Variants in STUB1 observed in about 807,000 individuals in gnomAD.
STUB1 encodes STIP1 homology and U-box containing protein 1.
Under a neutral mutation model 40.3 loss-of-function variants are expected in STUB1, and 37 were observed. That is an observed-to-expected ratio of 0.92 (90% CI 0.71 to 1.21). STUB1 has a LOEUF of 1.21. STUB1 is among the 50% of genes most tolerant of loss of function. The pLI, the probability that STUB1 is intolerant of heterozygous loss-of-function variation, is 0.00. For missense variants in STUB1, 460 were observed against 421.9 expected, an observed-to-expected ratio of 1.09 and a Z score of -0.79; for synonymous variants, 246 against 171.9, an observed-to-expected ratio of 1.43 and a Z score of -3.37.
intron 4 of STUB1, 64 bp from the exon 5 acceptor site, chr16:681,956 T>C: frequency 1.2e-6 from 2 of 1,612,360 alleles, no homozygotes; most frequent in East Asian, 2.2e-5. Context: ...TTGTGTTGGG[T>C]CTGTGCCCCA....
Position 682,658 on chromosome 16 carries a change from C to T in STUB1, c.*169C>T, listed in dbSNP as rs1037970095. 1.7e-5 allele frequency: 24 copies of T among 1,404,826 alleles called. No homozygotes were observed. The South Asian group carries it at 2.5e-4, about 15-fold the overall frequency. The allele number at this position is 1,404,826 out of a possible 1,614,324, so 87.0% of individuals were successfully genotyped here. A position where few individuals can be genotyped will look rare whatever the true frequency, so the allele number is the denominator to read the frequency against. On this transcript the variant is annotated 3_prime_UTR_variant, in exon 7 of 7. Coordinates refer to ENST00000219548, the MANE Select transcript of STUB1 (RefSeq NM_005861.4). ...ATCGCTTTTGCTGGGCCGTGATCGT[C>T]CCCCTTTGTGGGCTGGAAAAGCAGG...
rs1196725896 is a variant in STUB1, at chr16:680,741, G to A, written c.159+57G>A. 1.7e-6 allele frequency: 2 copies of A among 1,175,736 alleles called. No homozygotes were observed. Among genetic ancestry groups the A allele is most frequent in the Admixed American group, 4.6e-5 (1 of 21,770 alleles). The allele number at this position is 1,175,736 out of a possible 1,614,324, so 72.8% of individuals were successfully genotyped here. On this transcript the variant is annotated intron_variant, in intron 1 of 6. Transcript: ENST00000219548. This position sits in a 1 kb window ranked among gnomAD's most constrained non-coding sequence, Gnocchi z 4.9. Reference sequence around the variant, plus strand: ...GGTGGCACCGGGGAGGGCCGGGCCCGGGCCCGGCCGGCCCCACCGAGGGTC... The same window carrying A: ...GGTGGCACCGGGGAGGGCCGGGCCCAGGCCCGGCCGGCCCCACCGAGGGTC...
In STUB1 at chr16:682,679, G is replaced by A. The variant is rs1385176413; in HGVS notation, c.*190G>A. 9.1e-6 allele frequency: 13 copies of A among 1,423,008 alleles called. No homozygotes were observed. Among genetic ancestry groups the A allele is most frequent in the South Asian group, 1.3e-5 (1 of 76,852 alleles). 88.1% of individuals were successfully genotyped at this position (1,423,008 alleles called of 1,614,324 possible). On this transcript the variant is annotated 3_prime_UTR_variant, in exon 7 of 7. Coordinates refer to ENST00000219548, the MANE Select transcript of STUB1 (RefSeq NM_005861.4). ...TCGTCCCCCTTTGTGGGCTGGAAAA[G>A]CAGGTGAGGGTGGGCTGGGCTGAGG...
intron 3 of STUB1, 34 bp from the exon 4 acceptor site, chr16:681,759 G>C: frequency 6.4e-7 from 1 of 1,571,498 alleles, no homozygotes. Context: ...ATCTGGCCAG[G>C]TCCATCTCTG....
Position 680,562 on chromosome 16 carries a change from C to A in STUB1, c.37C>A (p.Leu13Met). 1 of 1,371,066 alleles carries A rather than the reference C, an allele frequency of 7.3e-7. No homozygotes were observed. The highest frequency in any genetic ancestry group is 9.5e-7 in the Non-Finnish European group (1 of 1,052,224). The allele number at this position is 1,371,066 out of a possible 1,614,324, so 84.9% of individuals were successfully genotyped here. A position where few individuals can be genotyped will look rare whatever the true frequency, so the allele number is the denominator to read the frequency against. ...GKEEKEGGAR[L>M]GAGGGSPEKS... ...GGAGGAGAAGGAGGGCGGCGCACGGCTGGGCGCTGGCGGCGGAAGCCCCGA... is the reference window on the plus strand; with the variant it reads ...GGAGGAGAAGGAGGGCGGCGCACGGATGGGCGCTGGCGGCGGAAGCCCCGA... The change falls in exon 1 of 7, where the codon CTG becomes ATG. Residue 13 changes from leucine to methionine, a missense_variant. By Grantham distance (15) the Leu-to-Met change is conservative (BLOSUM62 2). Transcript: ENST00000219548. The surrounding 1 kb of genome is among the most constrained non-coding windows in gnomAD (Gnocchi z 4.9).
rs749991533 is a variant in STUB1 at position 682,505 on chromosome 16, C to T, written c.*16C>T. ...GGACTACTGAGGTTCCCTGCCCTAC[C>T]TGGCGTCCTGGTCCAGGGGAGCCCT... On this transcript the variant is annotated 3_prime_UTR_variant, in exon 7 of 7. Coordinates refer to ENST00000219548, the MANE Select transcript of STUB1 (RefSeq NM_005861.4). 3 of 1,612,944 alleles carry T rather than the reference C, an allele frequency of 1.9e-6. No homozygotes were observed. The highest frequency in any genetic ancestry group is 2.5e-6 in the Non-Finnish European group (3 of 1,179,906).
Position 680,802 on chromosome 16 carries a change from G to A in STUB1, c.159+118G>A. ...TCGGGGCGTGTCCTCGGCTCCCAAAGCCCAGCCGTGGTTCTCGAGCCCAGC... is the reference window on the plus strand; with the variant it reads ...TCGGGGCGTGTCCTCGGCTCCCAAAACCCAGCCGTGGTTCTCGAGCCCAGC... On this transcript the variant is annotated intron_variant, in intron 1 of 6. Transcript: ENST00000219548. The surrounding 1 kb of genome is among the most constrained non-coding windows in gnomAD (Gnocchi z 4.9). The A allele has an allele frequency of 9.9e-7, 1 of 1,005,242 alleles. No homozygotes were observed. Among genetic ancestry groups the A allele is most frequent in the Non-Finnish European group, 1.3e-6 (1 of 791,594 alleles). 62.3% of individuals were successfully genotyped at this position (1,005,242 alleles called of 1,614,324 possible).
In STUB1 at chr16:680,789, C is replaced by T. The variant is rs902822281; in HGVS notation, c.159+105C>T. 8 of 1,049,582 alleles carry T rather than the reference C, an allele frequency of 7.6e-6. No homozygotes were observed. In the Admixed American group the frequency reaches 1.4e-4, roughly 18 times the overall value. 65.0% of individuals were successfully genotyped at this position (1,049,582 alleles called of 1,614,324 possible). A position where few individuals can be genotyped will look rare whatever the true frequency, so the allele number is the denominator to read the frequency against. ...GTCTGGCTCCTCTTCGGGGCGTGTC[C>T]TCGGCTCCCAAAGCCCAGCCGTGGT... On this transcript the variant is annotated intron_variant, in intron 1 of 6. Transcript: ENST00000219548. The surrounding 1 kb of genome is among the most constrained non-coding windows in gnomAD (Gnocchi z 4.9).
Position 682,582 on chromosome 16 carries a change from C to G in STUB1, c.*93C>G. 6.4e-7 allele frequency: 1 copy of G among 1,553,642 alleles called. No individual in the cohort carries two copies. ...TAGTTTATGTTCCTGGCCACCCCGA[C>G]CGCTTCCCCCAAGTTCTGCTGTTGG... On this transcript the variant is annotated 3_prime_UTR_variant, in exon 7 of 7. Coordinates refer to ENST00000219548, the MANE Select transcript of STUB1 (RefSeq NM_005861.4).
chr16:681,249 C>G lies in STUB1; in HGVS notation c.257C>G (p.Ala86Gly). The stretch of plus-strand genomic sequence containing the variant: ...CAGGCCCTGGCCGACTGCCGGCGCG[C>G]CCTGGAGCTGGACGGGCAGTCTGTG... ...HEQALADCRR[A>G]LELDGQSVKA... Residue 86 changes from alanine (A) to glycine (G), a missense_variant, in exon 2 of 7, where the codon GCC becomes GGC. Ala to Gly is a moderately conservative substitution (Grantham distance 60). Coordinates refer to ENST00000219548, the MANE Select transcript of STUB1 (RefSeq NM_005861.4). 4 of 1,612,682 alleles carry G rather than the reference C, an allele frequency of 2.5e-6. No individual in the cohort carries two copies. The highest frequency in any genetic ancestry group is 3.4e-6 in the Non-Finnish European group (4 of 1,179,926).
Position 681,430 on chromosome 16 carries a change from T to C in STUB1, c.359-8T>C. Reference sequence around the variant, plus strand: ...GCCAGAGAGTGACGTGAAGCCCCCGTTCCCCAGCTTACAGCCTGGCCAAGG... The same window carrying C: ...GCCAGAGAGTGACGTGAAGCCCCCGCTCCCCAGCTTACAGCCTGGCCAAGG... On this transcript the variant is annotated splice_region_variant and splice_polypyrimidine_tract_variant and intron_variant, in intron 2 of 6. Coordinates refer to ENST00000219548, the MANE Select transcript of STUB1 (RefSeq NM_005861.4). 6.2e-7 allele frequency: 1 copy of C among 1,609,912 alleles called. No individual in the cohort carries two copies. Among genetic ancestry groups the C allele is most frequent in the Non-Finnish European group, 8.5e-7 (1 of 1,177,548 alleles).
At chr16:681,936 C>T (rs555953203) in intron 4 of STUB1, 56 bp downstream of exon 4, 4 of 1,612,262 alleles carry the variant, frequency 2.5e-6, no homozygotes, top group Admixed American at 3.3e-5. Context: ...GGCGTGGGAG[C>T]ATCCCCGCCT....
Position 680,534 on chromosome 16 carries a change from C to T in STUB1, c.9C>T (p.Gly3=). ...CCGTGCCGCGCGGCGCCATGAAGGG[C>T]AAGGAGGAGAAGGAGGGCGGCGCAC... MK[G]KEEKEGGARL... Residue 3 remains glycine (G), a synonymous_variant, in exon 1 of 7, where the codon GGC becomes GGT. Coordinates refer to ENST00000219548, the MANE Select transcript of STUB1 (RefSeq NM_005861.4). The surrounding 1 kb of genome is among the most constrained non-coding windows in gnomAD (Gnocchi z 4.9). 1 of 1,315,910 alleles carries T rather than the reference C, an allele frequency of 7.6e-7. No individual in the cohort carries two copies. Among genetic ancestry groups the T allele is most frequent in the Admixed American group, 3.6e-5 (1 of 27,424 alleles). The allele number at this position is 1,315,910 out of a possible 1,614,324, so 81.5% of individuals were successfully genotyped here.
rs776012956 is a variant in STUB1 at position 682,408 on chromosome 16, G to A, written c.831G>A (p.Gln277=). ...FDPVTRSPLT[Q]EQLIPNLAMK... is the part of the protein sequence containing the mutation. ...CCGTGACCCGGAGCCCCCTGACCCAGGAACAGCTCATCCCCAACTTGGCTA... is the reference window on the plus strand; with the variant it reads ...CCGTGACCCGGAGCCCCCTGACCCAAGAACAGCTCATCCCCAACTTGGCTA... Residue 277 remains glutamine, a synonymous_variant, in exon 7 of 7, where the codon CAG becomes CAA. Coordinates refer to ENST00000219548, the MANE Select transcript of STUB1 (RefSeq NM_005861.4). 55 of 1,613,294 alleles carry A rather than the reference G, an allele frequency of 3.4e-5. No individual in the cohort carries two copies. The Admixed American group carries it at 7.5e-4, about 22-fold the overall frequency.
chr16:682,507 G>T lies in STUB1; in HGVS notation c.*18G>T, dbSNP rs375637153. The T allele has an allele frequency of 1.3e-4, 214 of 1,612,838 alleles. 2 individuals carry two copies. In the South Asian group the frequency reaches 2.2e-3, roughly 17 times the overall value. ...ACTACTGAGGTTCCCTGCCCTACCT[G>T]GCGTCCTGGTCCAGGGGAGCCCTGG... On this transcript the variant is annotated 3_prime_UTR_variant, in exon 7 of 7. Coordinates refer to ENST00000219548, the MANE Select transcript of STUB1 (RefSeq NM_005861.4).
rs1305336346 is a variant in STUB1, at chr16:682,748, G to T, written c.*259G>T. The T allele has an allele frequency of 6.3e-7, 1 of 1,592,390 alleles. No homozygotes were observed. The highest frequency in any genetic ancestry group is 8.6e-7 in the Non-Finnish European group (1 of 1,162,724). ...GTGTAATAAAATCCGTGAGCACGAG[G>T]TGGGACGTGCTGGTGTGTGACCGGC... On this transcript the variant is annotated 3_prime_UTR_variant, in exon 7 of 7. Coordinates refer to ENST00000219548, the MANE Select transcript of STUB1 (RefSeq NM_005861.4).
Position 680,553 on chromosome 16 carries a change from G to T in STUB1, c.28G>T (p.Gly10Cys). 7.4e-7 allele frequency: 1 copy of T among 1,349,436 alleles called. No individual in the cohort carries two copies. Among genetic ancestry groups the T allele is most frequent in the Non-Finnish European group, 9.6e-7 (1 of 1,041,930 alleles). 83.6% of individuals were successfully genotyped at this position (1,349,436 alleles called of 1,614,324 possible). Residue 10 changes from glycine (G) to cysteine (C), a missense_variant, in exon 1 of 7, where the codon GGC (glycine) becomes TGC (cysteine). Coordinates refer to ENST00000219548, the MANE Select transcript of STUB1 (RefSeq NM_005861.4). The surrounding 1 kb of genome is among the most constrained non-coding windows in gnomAD (Gnocchi z 4.9). ...GAAGGGCAAGGAGGAGAAGGAGGGCGGCGCACGGCTGGGCGCTGGCGGCGG... is the reference window on the plus strand; with the variant it reads ...GAAGGGCAAGGAGGAGAAGGAGGGCTGCGCACGGCTGGGCGCTGGCGGCGG... MKGKEEKEG[G>C]ARLGAGGGSP...
chr16:681,238 C>G lies in STUB1; in HGVS notation c.246C>G (p.Asp82Glu). Residue 82 changes from aspartate (D) to glutamate (E), a missense_variant, in exon 2 of 7, where the codon GAC (aspartate) becomes GAG (glutamate). Coordinates refer to ENST00000219548, the MANE Select transcript of STUB1 (RefSeq NM_005861.4). ...KMQQHEQALADCRRALELDGQ... is the reference protein window; with the variant it reads ...KMQQHEQALAECRRALELDGQ... ...AGCAGCACGAGCAGGCCCTGGCCGA[C>G]TGCCGGCGCGCCCTGGAGCTGGACG... The G allele has an allele frequency of 6.2e-7, 1 of 1,612,382 alleles. No homozygotes were observed. The highest frequency in any genetic ancestry group is 8.5e-7 in the Non-Finnish European group (1 of 1,179,806).
Position 682,255 on chromosome 16 carries a change from C to A in STUB1, c.760C>A (p.Arg254Ser). ...CITPSGITYD[R>S]KDIEEHLQRV... is the part of the protein sequence containing the mutation. Reference sequence around the variant, plus strand: ...CACGCCCAGTGGCATCACCTACGACCGCAAGGACATCGAGGAGCACCTGCA... The same window carrying A: ...CACGCCCAGTGGCATCACCTACGACAGCAAGGACATCGAGGAGCACCTGCA... The change falls in exon 6 of 7, where the codon CGC (arginine) becomes AGC (serine). Residue 254 changes from arginine to serine, a missense_variant. Physicochemically the swap from Arg to Ser is moderately radical, Grantham distance 110. Transcript: ENST00000219548. 1 of 1,611,874 alleles carries A rather than the reference C, an allele frequency of 6.2e-7. No homozygotes were observed. Among genetic ancestry groups the A allele is most frequent in the Non-Finnish European group, 8.5e-7 (1 of 1,179,794 alleles).
Sources: gnomAD v4.1 joint callset for allele counts on GRCh38, gnomAD v4.1.1 for gene constraint, Gnocchi (gnomAD v3.1) non-coding constraint, MANE v1.5 for transcripts, NCBI Gene and HGNC (gene_info 2026-07-23, HGNC 2026-07-21) for gene names.